The following LRP11 variants were observed in gnomAD, a reference collection of about 807,000 sequenced individuals.
LRP11 encodes low-density lipoprotein receptor-related protein 11.
In LRP11, 25 loss-of-function variants were observed where a neutral mutation model predicts 43.1. The observed-to-expected ratio is 0.58, with a 90% CI of 0.42 to 0.81. The LOEUF (loss-of-function observed/expected upper bound fraction) is 0.81, where lower values mean the gene tolerates loss of function less well. Among genes scored for constraint, LRP11 ranks in the 30% least tolerant of loss-of-function variants. The probability of loss-of-function intolerance (pLI) is 0.00; values close to 1 mark genes in which losing one functional copy is unlikely to be tolerated. For missense variants in LRP11, 623 were observed against 665.1 expected (o/e 0.94, Z 0.70); for synonymous variants, 316 against 299.4 (o/e 1.06, Z -0.57).
chr6:149,836,687 G>A (rs1776476084), intron 4 of LRP11, among the ~76,000 whole-genome samples: 1 of 152,080 alleles, frequency 6.6e-6, no homozygotes. Context: ...GGTGGTACAT[G>A]CCTGCAGTCC....
chr6:149,848,125 A>G (rs1307641303), intron 2 of LRP11, among the ~76,000 whole-genome samples: 1 of 152,158 alleles, frequency 6.6e-6, no homozygotes, highest in East Asian at 1.9e-4. Context: ...GTTTGGAGAT[A>G]CGTGCTCATG....
In LRP11 at chr6:149,864,224, C is replaced by T; in HGVS notation, c.-204G>A. The T allele has an allele frequency of 9.1e-7, 1 of 1,102,684 alleles. No homozygotes were observed. Among genetic ancestry groups the T allele is most frequent in the South Asian group, 4.5e-5 (1 of 22,384 alleles). 68.3% of individuals were successfully genotyped at this position (1,102,684 alleles called of 1,614,324 possible). A position where few individuals can be genotyped will look rare whatever the true frequency, so the allele number is the denominator to read the frequency against. On this transcript the variant is annotated 5_prime_UTR_variant, in exon 1 of 7. Coordinates refer to ENST00000239367, the MANE Select transcript of LRP11 (RefSeq NM_032832.6). Reference sequence around the variant, plus strand: ...GAACCGCAGTAGCGGGAGACATAGCCGGCCCAGCCGGGCACCGCTCCTTGC... The same window carrying T: ...GAACCGCAGTAGCGGGAGACATAGCTGGCCCAGCCGGGCACCGCTCCTTGC...
intron 3 of LRP11, 200 bp downstream of exon 3, chr6:149,842,783 C>T (rs780153789): frequency 5.0e-5 from 64 of 1,273,894 alleles, no homozygotes; most frequent in African/African-American, 8.9e-5. Flanking sequence ...CTTCCTCCAC[C>T]CCAACCCAGT....
chr6:149,847,098 CAA>C (rs753405672), intron 2 of LRP11, among the ~76,000 whole-genome samples: 1 of 152,150 alleles, frequency 6.6e-6, no homozygotes, highest in Non-Finnish European at 1.5e-5. Context: ...GAGCTCCCTG[CAA>C]AAGTCAGTGA....
intron 5 of LRP11, among the ~76,000 whole-genome samples, chr6:149,835,030 A>G (rs1466148557): frequency 6.6e-6 from 1 of 152,268 alleles, no homozygotes; most frequent in African/African-American, 2.4e-5. Context: ...CAACTTATGC[A>G]GAGTCTGAAA....
intron 6 of LRP11, among the ~76,000 whole-genome samples, chr6:149,825,465 C>T (rs896437046): frequency 1.3e-5 from 2 of 152,120 alleles, no homozygotes; most frequent in Non-Finnish European, 2.9e-5. Flanking sequence ...TAACTGCCAT[C>T]GTTTCTATAT....
At chr6:149,826,229 A>G (rs1040221523) in intron 6 of LRP11, 35 bp downstream of exon 6, 2 of 1,475,390 alleles carry the variant, frequency 1.4e-6, no homozygotes, top group Non-Finnish European at 1.9e-6. Context: ...TGAGAAGACT[A>G]CAGTCTGCAA....
intron 3 of LRP11, among the ~76,000 whole-genome samples, chr6:149,838,851 G>C (rs976422599): frequency 2.0e-5 from 3 of 152,082 alleles, no homozygotes; most frequent in African/African-American, 7.2e-5. Context: ...GGAGAACCGG[G>C]TGACTATCTG....
At chr6:149,829,406 C>CA (rs1234573120) in intron 5 of LRP11, among the ~76,000 whole-genome samples, 5 of 151,822 alleles carry the variant, frequency 3.3e-5, no homozygotes, top group African/African-American at 9.7e-5. Flanking sequence ...ACTAAAAATA[C>CA]AAAAATTAGC....
chr6:149,853,452 T>C (rs1776753848), intron 1 of LRP11, among the ~76,000 whole-genome samples: 1 of 152,218 alleles, frequency 6.6e-6, no homozygotes, highest in South Asian at 2.1e-4. Flanking sequence ...AGTGGATTTT[T>C]CACTTAATTT....
At chr6:149,841,426 C>T (rs1021927115) in intron 3 of LRP11, among the ~76,000 whole-genome samples, 2 of 152,220 alleles carry the variant, frequency 1.3e-5, no homozygotes, top group African/African-American at 4.8e-5. Context: ...GGACCCTGCA[C>T]ACTGCATACA....
chr6:149,845,423 T>A (rs1776617389), intron 2 of LRP11, among the ~76,000 whole-genome samples: 1 of 152,240 alleles, frequency 6.6e-6, no homozygotes, highest in South Asian at 2.1e-4. Flanking sequence ...TGTCCACCAC[T>A]TTCCCTGCAA....
At chr6:149,823,150 G>A (rs968764295) in intron 6 of LRP11, among the ~76,000 whole-genome samples, 10 of 152,186 alleles carry the variant, frequency 6.6e-5, no homozygotes, top group Non-Finnish European at 1.5e-4. Context: ...TTTGGAAGCT[G>A]AGGAAAGAGA....
chr6:149,845,094 C>T (rs575950080), intron 2 of LRP11, among the ~76,000 whole-genome samples: 10 of 152,314 alleles, frequency 6.6e-5, no homozygotes, highest in East Asian at 1.9e-4. Context: ...AGCCCTACCC[C>T]GTACCAGCTG....
At position 149,830,231 on chromosome 6, in the gene LRP11, G is replaced by A. The variant is rs138503468; in HGVS notation, c.1253-3872C>T. ...TCTCCGTGTTGGCCAGGCTGGTCTC[G>A]AACTCCCTACCTCAGGTGATCCACC... On this transcript the variant is annotated intron_variant, in intron 5 of 6. Transcript: ENST00000239367. 2.3e-3 allele frequency among the ~76,000 whole-genome samples: 347 copies of A among 151,984 alleles called. 3 individuals carry two copies. The East Asian group carries it at 0.023, about 10-fold the overall frequency.
At chr6:149,853,305 T>C (rs1244120726) in intron 1 of LRP11, 145 bp from the exon 2 acceptor site, 1 of 701,290 alleles carries the variant, frequency 1.4e-6, no homozygotes. Context: ...TTTCTATTTA[T>C]TTTATGATCG....
chr6:149,841,161 C>G (rs1225998683), intron 3 of LRP11, among the ~76,000 whole-genome samples: 1 of 152,174 alleles, frequency 6.6e-6, no homozygotes, highest in Non-Finnish European at 1.5e-5. Context: ...ATCCTAAAAT[C>G]TCTAACTCCT....
chr6:149,831,110 C>T (rs1354537417), intron 5 of LRP11, among the ~76,000 whole-genome samples: 1 of 152,220 alleles, frequency 6.6e-6, no homozygotes, highest in African/African-American at 2.4e-5. Context: ...AATGATCCTT[C>T]TGGAAGAGTT....
intron 1 of LRP11, among the ~76,000 whole-genome samples, chr6:149,857,245 G>T (rs1234997845): frequency 6.6e-6 from 1 of 152,154 alleles, no homozygotes; most frequent in Non-Finnish European, 1.5e-5. Context: ...CTTTGAAACA[G>T]ACGCGGCCGG....
Sources: gnomAD v4.1 joint callset for allele counts (sites outside exome capture counted in the v4.1 genomes callset) on GRCh38, gnomAD v4.1.1 for gene constraint, MANE v1.5 for transcripts, NCBI Gene and HGNC (gene_info 2026-07-23, HGNC 2026-07-21) for gene names.